Variants in ALLC observed in about 807,000 individuals in gnomAD.
ALLC encodes the protein allantoicase, also known as probable inactive allantoicase.
In ALLC, 40 loss-of-function variants were observed where a neutral mutation model predicts 45.0. The ratio of observed to expected loss-of-function variants is 0.89; its 90% CI spans 0.69 to 1.16. The LOEUF (loss-of-function observed/expected upper bound fraction) is 1.16, where lower values mean the gene tolerates loss of function less well. Among genes scored for constraint, ALLC ranks in the 50% most tolerant of loss-of-function variants. The pLI, the probability that ALLC is intolerant of heterozygous loss-of-function variation, is 0.00. For missense variants in ALLC, 488 were observed against 493.1 expected, an observed-to-expected ratio of 0.99 and a Z score of 0.10; for synonymous variants, 176 against 178.1, an observed-to-expected ratio of 0.99 and a Z score of 0.09.
chr2:3,658,349 A>G (rs1362130877), intron 1 of ALLC, 55 bp downstream of exon 1: 1 of 152,256 alleles, frequency 6.6e-6, no homozygotes, highest in Non-Finnish European at 1.5e-5. Flanking sequence ...GGGCTTTGCC[A>G]AAAGAATAGG....
intron 4 of ALLC, among the ~76,000 whole-genome samples, chr2:3,679,648 G>A (rs1308933217): frequency 6.6e-6 from 1 of 152,206 alleles, no homozygotes; most frequent in Non-Finnish European, 1.5e-5. Context: ...TTTCTCTTCT[G>A]GCTAGAACTG....
At chr2:3,699,746 A>G (rs1389808069) in intron 10 of ALLC, among the ~76,000 whole-genome samples, 3 of 152,276 alleles carry the variant, frequency 2.0e-5, no homozygotes, top group Non-Finnish European at 4.4e-5. Flanking sequence ...TTCTCTAATG[A>G]TTAGTGATGT....
intron 2 of ALLC, among the ~76,000 whole-genome samples, chr2:3,672,524 T>G (rs1198388623): frequency 3.7e-5 from 5 of 133,876 alleles, no homozygotes; most frequent in African/African-American, 1.5e-4. Flanking sequence ...GGAGGTCCTC[T>G]GGGTCTGGTT....
intron 1 of ALLC, among the ~76,000 whole-genome samples, chr2:3,662,972 A>C (rs551338226): frequency 6.6e-6 from 1 of 152,330 alleles, no homozygotes; most frequent in East Asian, 1.9e-4. Flanking sequence ...TCAGAGGAAG[A>C]CATGAGTTCA....
upstream of ALLC, among the ~76,000 whole-genome samples, chr2:3,656,946 G>T (rs372462048): frequency 6.6e-6 from 1 of 152,210 alleles, no homozygotes; most frequent in African/African-American, 2.4e-5. Flanking sequence ...TCTCCGCACC[G>T]TGAGCTTTGT....
chr2:3,695,597 A>C, intron 7 of ALLC, 120 bp from the exon 8 acceptor site: 1 of 1,067,950 alleles, frequency 9.4e-7, no homozygotes, highest in Non-Finnish European at 1.4e-6. Flanking sequence ...GAGAAACAGC[A>C]GGTGGGTGTG....
intron 1 of ALLC, among the ~76,000 whole-genome samples, chr2:3,661,601 A>G (rs1666579330): frequency 6.6e-6 from 1 of 152,186 alleles, no homozygotes; most frequent in Admixed American, 6.5e-5. Flanking sequence ...GGCACAAAAG[A>G]TGCTGCAAGT....
chr2:3,670,695 T>G (rs1327248721), intron 1 of ALLC, among the ~76,000 whole-genome samples: 1 of 152,210 alleles, frequency 6.6e-6, no homozygotes, highest in Non-Finnish European at 1.5e-5. Context: ...AGCCAGGGCC[T>G]GCCACCCAGG....
At chr2:3,683,870 AT>A (rs1162896024) in intron 7 of ALLC, among the ~76,000 whole-genome samples, 3 of 152,172 alleles carry the variant, frequency 2.0e-5, no homozygotes, top group African/African-American at 4.8e-5. Flanking sequence ...CAGATTTTGG[AT>A]TTGGGACACT....
chr2:3,667,007 A>G (rs1237396044), intron 1 of ALLC, among the ~76,000 whole-genome samples: 1 of 152,192 alleles, frequency 6.6e-6, no homozygotes, highest in Admixed American at 6.5e-5. Flanking sequence ...AATGTGTTAA[A>G]TACCTAGGTG....
At chr2:3,660,222 G>A (rs1294370336) in intron 1 of ALLC, among the ~76,000 whole-genome samples, 1 of 152,170 alleles carries the variant, frequency 6.6e-6, no homozygotes, top group Non-Finnish European at 1.5e-5. Flanking sequence ...TCCCTCCCAC[G>A]CTTCCTCTTC....
intron 3 of ALLC, among the ~76,000 whole-genome samples, chr2:3,675,239 T>C (rs1027747808): frequency 6.6e-6 from 1 of 151,726 alleles, no homozygotes; most frequent in African/African-American, 2.4e-5. Context: ...AAATAAAAAA[T>C]ATTATCCAGG....
Position 3,702,432 on chromosome 2 carries a change from A to G in ALLC, c.1045A>G (p.Arg349Gly). 2 of 1,613,108 alleles carry G rather than the reference A, an allele frequency of 1.2e-6. No individual in the cohort carries two copies. Among genetic ancestry groups the G allele is most frequent in the Non-Finnish European group, 8.5e-7 (1 of 1,179,814 alleles). The stretch of plus-strand genomic sequence containing the variant: ...GCTCCAAGATGTCATCACTCACGCC[A>G]GGCTCACCATCGTCCCCGACGGGGG... Reference protein sequence around the residue: ...LELQDVITHARLTIVPDGGVS... With the variant: ...LELQDVITHAGLTIVPDGGVS... The change falls in exon 12 of 12, where the codon AGG (arginine) becomes GGG (glycine). Residue 349 changes from arginine to glycine, a missense_variant. By Grantham distance (125) the Arg-to-Gly change is moderately radical (BLOSUM62 -2). Coordinates refer to ENST00000252505, the MANE Select transcript of ALLC (RefSeq NM_018436.4).
chr2:3,661,678 C>T (rs552871018), intron 1 of ALLC, among the ~76,000 whole-genome samples: 21 of 152,328 alleles, frequency 1.4e-4, no homozygotes, highest in East Asian at 1.9e-4. Context: ...ACCTCTCCGA[C>T]GATGCTTTTC....
At chr2:3,648,608 G>A in the ALLC span, among the ~76,000 whole-genome samples, 1 of 152,216 alleles carries the variant, frequency 6.6e-6, no homozygotes, top group Non-Finnish European at 1.5e-5. Context: ...CTGGCCACAG[G>A]GAAGGCCTGC....
chr2:3,675,595 T>C (rs1214665179), intron 3 of ALLC, among the ~76,000 whole-genome samples: 4 of 151,066 alleles, frequency 2.6e-5, no homozygotes, highest in African/African-American at 7.4e-5. Context: ...TATATATATA[T>C]ATATACACAC....
chr2:3,696,502 G>A (rs963872660), intron 9 of ALLC, among the ~76,000 whole-genome samples, 154 bp downstream of exon 9: 1 of 152,132 alleles, frequency 6.6e-6, no homozygotes, highest in Admixed American at 6.5e-5. Flanking sequence ...ATTTCCCACT[G>A]TTTTCATAAT....
At chr2:3,670,415 G>C (rs1164206046) in intron 1 of ALLC, among the ~76,000 whole-genome samples, 2 of 152,206 alleles carry the variant, frequency 1.3e-5, no homozygotes, top group East Asian at 3.9e-4. Flanking sequence ...CTGGGGTCAG[G>C]CCAGACTCTC....
intron 1 of ALLC, 58 bp from the exon 2 acceptor site, chr2:3,671,038 G>A (rs1040448491): frequency 1.5e-5 from 15 of 978,060 alleles, no homozygotes; most frequent in Middle Eastern, 2.3e-4. Flanking sequence ...GAGCCTAGAC[G>A]GGGCCTCACT....
Sources: gnomAD v4.1 joint callset for allele counts (sites outside exome capture counted in the v4.1 genomes callset) on GRCh38, gnomAD v4.1.1 for gene constraint, MANE v1.5 for transcripts, NCBI Gene and HGNC (gene_info 2026-07-23, HGNC 2026-07-21) for gene names.